Variants in CDC45 observed in about 807,000 individuals in gnomAD.
The protein encoded by CDC45 is cell division cycle 45.
A neutral mutation model predicts 77.8 loss-of-function variants in CDC45; 54 were observed. The ratio of observed to expected loss-of-function variants is 0.69; its 90% CI spans 0.56 to 0.87. The LOEUF is 0.87. Ranked by LOEUF, CDC45 falls within the 40% of genes least tolerant of loss-of-function variation. The pLI is 0.00. For missense variants in CDC45, 649 were observed against 721.6 expected, an observed-to-expected ratio of 0.90 and a Z score of 1.15; for synonymous variants, 260 against 272.1, an observed-to-expected ratio of 0.96 and a Z score of 0.44.
chr22:19,516,640 G>A lies in CDC45; in HGVS notation c.1554G>A (p.Arg518=). 6.2e-7 allele frequency: 1 copy of A among 1,612,872 alleles called. No individual in the cohort carries two copies. The highest frequency in any genetic ancestry group is 1.1e-5 in the South Asian group (1 of 91,060). The part of the protein sequence containing the change: ...GIPPETDSSD[R]KNFFGRAFEK... ...CCCCAGAGACCGACAGCTCGGACAG[G>A]AAGAAGTGAGCAGCTTCCACTCGTC... is the stretch of plus-strand genomic sequence containing the variant. Residue 518 remains arginine, a synonymous_variant, in exon 16 of 19, where the codon AGG becomes AGA. Coordinates refer to ENST00000263201, the MANE Select transcript of CDC45 (RefSeq NM_003504.5).
intron 5 of CDC45, among the ~76,000 whole-genome samples, chr22:19,490,318 T>A (rs886114106): frequency 6.6e-6 from 1 of 152,158 alleles, no homozygotes; most frequent in Non-Finnish European, 1.5e-5. Context: ...TGACATTTTA[T>A]TTTCTGTTTC....
At chr22:19,512,214 G>A (rs1302840485) in intron 13 of CDC45, among the ~76,000 whole-genome samples, 1 of 152,100 alleles carries the variant, frequency 6.6e-6, no homozygotes, top group Non-Finnish European at 1.5e-5. Context: ...TCATTACCAG[G>A]ACTCCTTGCA....
In CDC45 at chr22:19,507,391, G is replaced by T. The variant is rs145642842; in HGVS notation, c.830G>T (p.Arg277Leu). ...CTRISFEYDL[R>L]LVLYQHWSLH... ...CTCCTTGACTGCAGGCCCAGCCTCC[G>T]CCTGGTGCTCTACCAGCACTGGTCC... The change falls in exon 11 of 19, where the codon CGC (arginine) becomes CTC (leucine). Residue 277 changes from arginine to leucine, a missense_variant. Coordinates refer to ENST00000263201, the MANE Select transcript of CDC45 (RefSeq NM_003504.5). The T allele has an allele frequency of 1.9e-5, 30 of 1,613,750 alleles. No homozygotes were observed. The highest frequency in any genetic ancestry group is 2.5e-5 in the Non-Finnish European group (29 of 1,180,022).
rs536717758 is a variant in CDC45 at position 19,504,512 on chromosome 22, T to C, written c.705-850T>C. ...CGGGGTTTCTTCATGTTGGTCAGGCTGGTCTCAAATTCCTGCCCTCAGGTG... is the reference window on the plus strand; with the variant it reads ...CGGGGTTTCTTCATGTTGGTCAGGCCGGTCTCAAATTCCTGCCCTCAGGTG... On this transcript the variant is annotated intron_variant, in intron 9 of 18. Coordinates refer to ENST00000263201, the MANE Select transcript of CDC45 (RefSeq NM_003504.5). Among the ~76,000 whole-genome samples, 99 of 152,276 alleles carry C rather than the reference T, an allele frequency of 6.5e-4. 2 individuals carry two copies. In the South Asian group the frequency reaches 0.02, roughly 30 times the overall value.
intron 5 of CDC45, among the ~76,000 whole-genome samples, chr22:19,485,120 GA>G (rs990605035): frequency 4.0e-5 from 6 of 151,858 alleles, no homozygotes; most frequent in Non-Finnish European, 8.8e-5. Flanking sequence ...TTTGTTCTCT[GA>G]ATTTTTTTTT....
chr22:19,499,216 C>T (rs370952997), intron 9 of CDC45, 65 bp downstream of exon 9: 19 of 1,552,370 alleles, frequency 1.2e-5, no homozygotes, highest in African/African-American at 4.1e-5. Flanking sequence ...ACAGCCTGAC[C>T]ATAGCCACTA....
chr22:19,493,721 G>A (rs753446579), intron 5 of CDC45, among the ~76,000 whole-genome samples: 28 of 152,282 alleles, frequency 1.8e-4, no homozygotes, highest in Middle Eastern at 3.4e-3. Context: ...GATTACAGGC[G>A]TGAGCCACTG....
chr22:19,493,334 A>G (rs1227178704), intron 5 of CDC45, among the ~76,000 whole-genome samples: 2 of 151,996 alleles, frequency 1.3e-5, no homozygotes, highest in Admixed American at 6.6e-5. Context: ...TATATGAACC[A>G]GAAGGAAAAC....
chr22:19,483,801 C>A, intron 4 of CDC45, 61 bp from the exon 5 acceptor site: 1 of 1,457,202 alleles, frequency 6.9e-7, no homozygotes, highest in South Asian at 1.2e-5. Context: ...TGCAGAAGAA[C>A]ATATTGTATA....
intron 9 of CDC45, among the ~76,000 whole-genome samples, chr22:19,499,844 G>A (rs13447232): frequency 0.36 from 54,452 of 152,140 alleles, 11,881 homozygotes; most frequent in Non-Finnish European, 0.48. Flanking sequence ...TCTCCTAGGG[G>A]ACCCATGTAG....
At chr22:19,493,736 C>T (rs917111437) in intron 5 of CDC45, among the ~76,000 whole-genome samples, 7 of 152,194 alleles carry the variant, frequency 4.6e-5, no homozygotes, top group African/African-American at 1.7e-4. Context: ...CCACTGCGCC[C>T]AGCCTTACTT....
At chr22:19,516,985 G>A (rs965116537) in intron 17 of CDC45, 92 bp downstream of exon 17, 14 of 1,090,418 alleles carry the variant, frequency 1.3e-5, no homozygotes, top group Non-Finnish European at 1.5e-5. Context: ...CATGGCTGGA[G>A]GAGCCTGGCC....
At chr22:19,491,688 A>G (rs1167254840) in intron 5 of CDC45, among the ~76,000 whole-genome samples, 1 of 151,410 alleles carries the variant, frequency 6.6e-6, no homozygotes, top group East Asian at 1.9e-4. Context: ...CTTGGTGTGG[A>G]TTTGTGTCTA....
intron 10 of CDC45, among the ~76,000 whole-genome samples, chr22:19,505,841 A>G (rs1445071657): frequency 6.6e-6 from 1 of 152,164 alleles, no homozygotes; most frequent in Non-Finnish European, 1.5e-5. Flanking sequence ...CACATGGGAC[A>G]TTGGTGGAGT....
intron 5 of CDC45, among the ~76,000 whole-genome samples, chr22:19,491,865 C>G (rs2090158646): frequency 6.6e-6 from 1 of 151,554 alleles, no homozygotes. Context: ...CTCACTCTGT[C>G]TCCCAGGCTG....
intron 8 of CDC45, among the ~76,000 whole-genome samples, chr22:19,498,533 A>G (rs2090284689): frequency 6.6e-6 from 1 of 152,226 alleles, no homozygotes; most frequent in African/African-American, 2.4e-5. Context: ...CAGGTAAAAG[A>G]TGAGCCTGAA....
intron 17 of CDC45, among the ~76,000 whole-genome samples, chr22:19,518,119 G>A (rs1376610016): frequency 1.3e-5 from 2 of 152,230 alleles, no homozygotes; most frequent in Admixed American, 6.5e-5. Context: ...CTGTGATGTG[G>A]GAGAGGTGGA....
intron 9 of CDC45, among the ~76,000 whole-genome samples, chr22:19,504,754 G>T (rs1004273702): frequency 3.3e-5 from 5 of 152,134 alleles, no homozygotes; most frequent in African/African-American, 1.2e-4. Context: ...TCAGTCAGTA[G>T]CTCCATCAGT....
At chr22:19,487,798 G>A in intron 5 of CDC45, among the ~76,000 whole-genome samples, 1 of 150,058 alleles carries the variant, frequency 6.7e-6, no homozygotes, top group East Asian at 2.0e-4. Context: ...TGTAGTCCCA[G>A]CTACTCAGAA....
Sources: allele counts gnomAD v4.1 joint callset (sites outside exome capture counted in the v4.1 genomes callset), GRCh38; gene constraint gnomAD v4.1.1; transcripts MANE v1.5; gene names NCBI Gene and HGNC (gene_info 2026-07-23, HGNC 2026-07-21).